The following RFX7 variants were observed in gnomAD, a reference collection of about 807,000 sequenced individuals.
RFX7 encodes the protein regulatory factor X7, also known as DNA-binding protein RFX7.
A neutral mutation model predicts 111.8 loss-of-function variants in RFX7; 26 were observed. The observed-to-expected ratio is 0.23, with a 90% CI of 0.17 to 0.32. RFX7 has a LOEUF of 0.32. Among genes scored for constraint, RFX7 ranks in the 10% least tolerant of loss-of-function variants. The pLI, the probability that RFX7 is intolerant of heterozygous loss-of-function variation, is 1.00. For missense variants in RFX7, 1,573 were observed against 1,772.9 expected (o/e 0.89, Z 2.02); for synonymous variants, 624 against 624.4 (o/e 1.00, Z 0.01).
Position 56,087,622 on chromosome 15 carries a change from G to A in RFX7, c.*5723C>T. 2.2e-6 allele frequency: 1 copy of A among 452,256 alleles called. No homozygotes were observed. The highest frequency in any genetic ancestry group is 1.6e-5 in the South Asian group (1 of 63,978). The allele number at this position is 452,256 out of a possible 1,614,324, so 28.0% of individuals were successfully genotyped here. On this transcript the variant is annotated 3_prime_UTR_variant, in exon 10 of 10. Coordinates refer to ENST00000559447, the MANE Select transcript of RFX7 (RefSeq NM_022841.7). The stretch of plus-strand genomic sequence containing the variant: ...GATGCAGCCTTTTGGTCAGATGGCT[G>A]TGTGCTCAGCTAAAAATCAAGGACT...
chr15:56,195,993 T>C (rs1451285276), intron 2 of RFX7, among the ~76,000 whole-genome samples: 1 of 152,184 alleles, frequency 6.6e-6, no homozygotes, highest in Non-Finnish European at 1.5e-5. Flanking sequence ...AAACATAAAA[T>C]CTAATTTCAG....
intron 5 of RFX7, among the ~76,000 whole-genome samples, chr15:56,134,738 T>C (rs1595952955): frequency 6.6e-6 from 1 of 152,088 alleles, no homozygotes; most frequent in East Asian, 1.9e-4. Context: ...CATCTAGCAT[T>C]AGGTATATCT....
At chr15:56,104,963 C>T (rs1365212420) in intron 5 of RFX7, among the ~76,000 whole-genome samples, 1 of 152,066 alleles carries the variant, frequency 6.6e-6, no homozygotes, top group Admixed American at 6.5e-5. Context: ...GGGGGTCTTG[C>T]AAGGTTGAAG....
chr15:56,190,462 C>G (rs1213770019), intron 2 of RFX7, among the ~76,000 whole-genome samples: 1 of 152,208 alleles, frequency 6.6e-6, no homozygotes, highest in East Asian at 1.9e-4. Flanking sequence ...TTCCCCCAAC[C>G]TGGGACAGCT....
chr15:56,134,395 G>A (rs563389189), intron 5 of RFX7, among the ~76,000 whole-genome samples: 5 of 152,066 alleles, frequency 3.3e-5, no homozygotes, highest in Non-Finnish European at 7.4e-5. Context: ...CAGTAAATAA[G>A]TGAAATATTC....
At chr15:56,213,385 C>T (rs534567826) in intron 2 of RFX7, among the ~76,000 whole-genome samples, 29 of 152,116 alleles carry the variant, frequency 1.9e-4, no homozygotes, top group Non-Finnish European at 4.0e-4. Flanking sequence ...ATAGCTAGAA[C>T]AATCTGGATG....
chr15:56,107,449 C>G (rs761748843), intron 5 of RFX7, among the ~76,000 whole-genome samples: 3 of 150,898 alleles, frequency 2.0e-5, no homozygotes, highest in Admixed American at 1.3e-4. Context: ...ACAATTCAGT[C>G]TTTAATATTC....
At position 56,090,942 on chromosome 15, in the gene RFX7, T is replaced by C. The variant is rs2041589235; in HGVS notation, c.*2403A>G. ...AATAAAAATAATCTGGAACAGAACA[T>C]ATTCAACAATAACTAAGCAGAATTA... On this transcript the variant is annotated 3_prime_UTR_variant, in exon 10 of 10. Coordinates refer to ENST00000559447, the MANE Select transcript of RFX7 (RefSeq NM_022841.7). The C allele has an allele frequency of 6.6e-6, 1 of 152,592 alleles. No individual in the cohort carries two copies. The highest frequency in any genetic ancestry group is 1.5e-5 in the Non-Finnish European group (1 of 68,012). The allele number at this position is 152,592 out of a possible 1,614,324, so 9.5% of individuals were successfully genotyped here.
intron 2 of RFX7, among the ~76,000 whole-genome samples, chr15:56,239,984 CTTTT>C (rs5812831): frequency 8.3e-6 from 1 of 120,928 alleles, no homozygotes; most frequent in Non-Finnish European, 1.7e-5. Context: ...TTTGGTATTT[CTTTT>C]TTTTTTTTTT....
chr15:56,199,501 T>G (rs2043174645), intron 2 of RFX7, among the ~76,000 whole-genome samples: 2 of 152,286 alleles, frequency 1.3e-5, no homozygotes, highest in Admixed American at 1.3e-4. Flanking sequence ...TCAATCTATA[T>G]GCCTTCCCTG....
At chr15:56,144,699 A>C (rs1239824754) in intron 3 of RFX7, among the ~76,000 whole-genome samples, 1 of 152,114 alleles carries the variant, frequency 6.6e-6, no homozygotes, top group Non-Finnish European at 1.5e-5. Context: ...CTTCCCTATT[A>C]GTTCTTACAT....
intron 3 of RFX7, among the ~76,000 whole-genome samples, chr15:56,174,969 T>C (rs866669556): frequency 5.3e-5 from 8 of 152,290 alleles, no homozygotes; most frequent in Middle Eastern, 3.4e-3. Flanking sequence ...CCAGAGGTCC[T>C]AGCAGTACAA....
intron 5 of RFX7, among the ~76,000 whole-genome samples, chr15:56,137,492 C>A (rs372682225): frequency 1.3e-5 from 2 of 151,926 alleles, no homozygotes; most frequent in Non-Finnish European, 2.9e-5. Context: ...TGCATCTATT[C>A]GATTCTTCTC....
chr15:56,164,938 C>T (rs2042765617), intron 3 of RFX7, among the ~76,000 whole-genome samples: 1 of 152,154 alleles, frequency 6.6e-6, no homozygotes, highest in Admixed American at 6.5e-5. Context: ...GCAATGGTCC[C>T]CAAGCTTTTC....
rs547954622 is a variant in RFX7, at chr15:56,119,013, T to G, written c.402-15343A>C. Among the ~76,000 whole-genome samples the G allele has an allele frequency of 1.1e-4, 16 of 152,356 alleles. No homozygotes were observed. In the East Asian group the frequency reaches 3.1e-3, roughly 29 times the overall value. ...CTTCTGAGAAATGTCTATATAGGTCTTTTGCCCATTTTAAATCAAATTATT... is the reference window on the plus strand; with the variant it reads ...CTTCTGAGAAATGTCTATATAGGTCGTTTGCCCATTTTAAATCAAATTATT... On this transcript the variant is annotated intron_variant, in intron 5 of 9. Coordinates refer to ENST00000559447, the MANE Select transcript of RFX7 (RefSeq NM_022841.7).
At chr15:56,098,892 A>G (rs2041717220) in intron 8 of RFX7, among the ~76,000 whole-genome samples, 1 of 152,244 alleles carries the variant, frequency 6.6e-6, no homozygotes, top group Non-Finnish European at 1.5e-5. Context: ...TTTTAATCCT[A>G]CCAGCAATTC....
At chr15:56,123,427 C>G (rs1311858540) in intron 5 of RFX7, among the ~76,000 whole-genome samples, 1 of 152,132 alleles carries the variant, frequency 6.6e-6, no homozygotes, top group Admixed American at 6.5e-5. Context: ...TGTGGCTGAA[C>G]TGGTATTTAA....
chr15:56,196,946 TG>T (rs773954434), intron 2 of RFX7, among the ~76,000 whole-genome samples: 2 of 152,180 alleles, frequency 1.3e-5, no homozygotes, highest in Non-Finnish European at 2.9e-5. Context: ...TACAGTATGT[TG>T]ATCTTCAACT....
rs931905320 is a variant in RFX7 at position 56,089,702 on chromosome 15, T to C, written c.*3643A>G. On this transcript the variant is annotated 3_prime_UTR_variant, in exon 10 of 10. Transcript: ENST00000559447. ...CTTTCATTTTCTCTTGAGTGACTGATTGCCTTTCTTGGGATTAGTTTTTCT... is the reference window on the plus strand; with the variant it reads ...CTTTCATTTTCTCTTGAGTGACTGACTGCCTTTCTTGGGATTAGTTTTTCT... 2.2e-4 allele frequency: 15 copies of C among 68,344 alleles called. No individual in the cohort carries two copies. Among genetic ancestry groups the C allele is most frequent in the African/African-American group, 5.9e-4 (12 of 20,270 alleles). The allele number at this position is 68,344 out of a possible 1,614,324, so 4.2% of individuals were successfully genotyped here.
Sources: allele counts gnomAD v4.1 joint callset (sites outside exome capture counted in the v4.1 genomes callset), GRCh38; gene constraint gnomAD v4.1.1; transcripts MANE v1.5; gene names NCBI Gene and HGNC (gene_info 2026-07-23, HGNC 2026-07-21).